Variants in IL23R observed in about 807,000 individuals in gnomAD.
IL23R encodes the protein interleukin 23 receptor, also known as interleukin-23 receptor.
A neutral mutation model predicts 56.9 loss-of-function variants in IL23R; 34 were observed. That is an observed-to-expected ratio of 0.60 (90% CI 0.45 to 0.80). The LOEUF (loss-of-function observed/expected upper bound fraction) is 0.80, where lower values mean the gene tolerates loss of function less well. IL23R is among the 30% of genes least tolerant of loss of function. The pLI is 0.00. For missense variants in IL23R, 635 were observed against 730.0 expected (o/e 0.87, Z 1.50); for synonymous variants, 230 against 249.2 (o/e 0.92, Z 0.73).
At chr1:67,164,333 A>G (rs1646850430), upstream of IL23R, among the ~76,000 whole-genome samples, 1 of 151,964 alleles carries the variant, frequency 6.6e-6, no homozygotes, top group South Asian at 2.1e-4. Flanking sequence ...CTATCTCTAC[A>G]ACAAATACAA....
At chr1:67,207,851 T>A (rs1037240675) in intron 6 of IL23R, among the ~76,000 whole-genome samples, 1 of 152,166 alleles carries the variant, frequency 6.6e-6, no homozygotes, top group Non-Finnish European at 1.5e-5. Context: ...AACTGGGTAA[T>A]AGGCAGAAAT....
chr1:67,248,925 C>A (rs953520931), intron 9 of IL23R, among the ~76,000 whole-genome samples: 2 of 152,172 alleles, frequency 1.3e-5, no homozygotes, highest in Non-Finnish European at 2.9e-5. Context: ...GGAAATCCCC[C>A]AGCCCCTTGT....
chr1:67,199,217 T>C (rs996318458), intron 4 of IL23R, among the ~76,000 whole-genome samples: 1 of 152,204 alleles, frequency 6.6e-6, no homozygotes, highest in Non-Finnish European at 1.5e-5. Context: ...AGTTTCTTCT[T>C]GCATTTTCAG....
At chr1:67,151,328 C>T (rs1431684975) in intron 1 of IL23R, among the ~76,000 whole-genome samples, 1 of 152,028 alleles carries the variant, frequency 6.6e-6, no homozygotes, top group African/African-American at 2.4e-5. Flanking sequence ...TGTTTAAGTT[C>T]CTTGTAGATT....
rs147318853 is a variant in IL23R, at chr1:67,235,049, G to A, written c.956-1664G>A. 3.9e-5 allele frequency among the ~76,000 whole-genome samples: 6 copies of A among 152,232 alleles called. No individual in the cohort carries two copies. The East Asian group carries it at 1.2e-3, about 29-fold the overall frequency. On this transcript the variant is annotated intron_variant, in intron 7 of 10. Transcript: ENST00000347310. ...AATGGAGATTCAGACTCCTGCCTGA[G>A]CTCCCTGCAAATGAACATTGGCCTG...
At chr1:67,165,166 G>A (rs57511334), upstream of IL23R, among the ~76,000 whole-genome samples, 3,479 of 152,170 alleles carry the variant, frequency 0.023, 120 homozygotes, top group African/African-American at 0.079. Context: ...CCGTAATCAC[G>A]CCGCTGCACT....
At chr1:67,199,666 T>C (rs898169571) in intron 4 of IL23R, among the ~76,000 whole-genome samples, 102 of 152,274 alleles carry the variant, frequency 6.7e-4, no homozygotes, top group African/African-American at 2.4e-3. Context: ...TATATGTGTG[T>C]ATATTTTTGT....
At chr1:67,247,594 G>A (rs773520095) in intron 9 of IL23R, among the ~76,000 whole-genome samples, 2 of 152,090 alleles carry the variant, frequency 1.3e-5, no homozygotes, top group Non-Finnish European at 2.9e-5. Context: ...ATGAGCCACC[G>A]TGCCCAGCCT....
chr1:67,178,431 G>A (rs1450019949), intron 3 of IL23R, among the ~76,000 whole-genome samples: 1 of 152,136 alleles, frequency 6.6e-6, no homozygotes, highest in African/African-American at 2.4e-5. Flanking sequence ...TCTGTTATTG[G>A]TGTATAAGAA....
intron 4 of IL23R, among the ~76,000 whole-genome samples, chr1:67,190,894 C>G (rs1647688527): frequency 6.6e-6 from 1 of 152,172 alleles, no homozygotes; most frequent in South Asian, 2.1e-4. Flanking sequence ...CACAGCTTCT[C>G]TACATGCATA....
intron 9 of IL23R, among the ~76,000 whole-genome samples, chr1:67,250,211 C>G (rs970072023): frequency 2.0e-5 from 3 of 152,154 alleles, no homozygotes; most frequent in Non-Finnish European, 4.4e-5. Context: ...GTAATGGTAA[C>G]TGTTAGCAAC....
intron 6 of IL23R, among the ~76,000 whole-genome samples, chr1:67,213,031 G>A (rs961876639): frequency 2.6e-5 from 4 of 151,988 alleles, no homozygotes; most frequent in Non-Finnish European, 4.4e-5. Flanking sequence ...CGGGCACCAC[G>A]TCTGGCTTCT....
chr1:67,265,777 G>T, the IL23R span, among the ~76,000 whole-genome samples: 1 of 152,040 alleles, frequency 6.6e-6, no homozygotes, highest in Non-Finnish European at 1.5e-5. Flanking sequence ...GTGGTGGTGT[G>T]CTCCTGTGAT....
intron 4 of IL23R, among the ~76,000 whole-genome samples, chr1:67,193,730 C>T (rs566514465): frequency 1.6e-4 from 24 of 152,192 alleles, no homozygotes; most frequent in Admixed American, 7.2e-4. Flanking sequence ...CAACAGCACT[C>T]CTGACACGAA....
At chr1:67,164,583 GAT>G (rs1376930773), upstream of IL23R, among the ~76,000 whole-genome samples, 3 of 151,906 alleles carry the variant, frequency 2.0e-5, no homozygotes, top group Non-Finnish European at 4.4e-5. Context: ...AGTGAGCCGA[GAT>G]TGTGCCATTG....
upstream of IL23R, among the ~76,000 whole-genome samples, chr1:67,163,330 G>A (rs181468876): frequency 2.8e-3 from 425 of 151,526 alleles, 2 homozygotes; most frequent in African/African-American, 9.9e-3. Context: ...TTAGCCAGGC[G>A]TGTTGGCAGG....
chr1:67,197,958 G>T (rs1648295241), intron 4 of IL23R, among the ~76,000 whole-genome samples: 1 of 151,654 alleles, frequency 6.6e-6, no homozygotes, highest in Non-Finnish European at 1.5e-5. Context: ...GAAAAGAAAA[G>T]AAAAGAAAAG....
At chr1:67,183,066 C>A in intron 4 of IL23R, 107 bp downstream of exon 4, 3 of 1,239,980 alleles carry the variant, frequency 2.4e-6, no homozygotes, top group Middle Eastern at 2.0e-4. Flanking sequence ...TAAATATATA[C>A]CCTGATTTAT....
chr1:67,179,511 C>T (rs1647059414), intron 3 of IL23R, among the ~76,000 whole-genome samples: 2 of 151,778 alleles, frequency 1.3e-5, no homozygotes, highest in Non-Finnish European at 1.5e-5. Flanking sequence ...TCTCTCTTTT[C>T]TTCTTTATTA....
Sources: gnomAD v4.1 joint callset for allele counts (sites outside exome capture counted in the v4.1 genomes callset) on GRCh38, gnomAD v4.1.1 for gene constraint, MANE v1.5 for transcripts, NCBI Gene and HGNC (gene_info 2026-07-23, HGNC 2026-07-21) for gene names.